Variants in RIPOR2 observed in about 807,000 individuals in gnomAD.
The protein encoded by RIPOR2 is rho family-interacting cell polarization regulator 2.
In RIPOR2, 39 loss-of-function variants were observed where a neutral mutation model predicts 114.5. The ratio of observed to expected loss-of-function variants is 0.34; its 90% CI spans 0.26 to 0.44. RIPOR2 has a LOEUF of 0.44. Among genes scored for constraint, RIPOR2 ranks in the 20% least tolerant of loss-of-function variants. The pLI, the probability that RIPOR2 is intolerant of heterozygous loss-of-function variation, is 1.00. For synonymous variants in RIPOR2, 445 were observed against 484.4 expected (o/e 0.92, Z 1.07); for missense variants, 1,007 against 1,255.1 (o/e 0.80, Z 2.99).
chr6:25,005,886 G>A (rs1046699396), intron 1 of RIPOR2, among the ~76,000 whole-genome samples: 9 of 151,242 alleles, frequency 6.0e-5, no homozygotes, highest in African/African-American at 1.9e-4. Flanking sequence ...TAACTTGTTC[G>A]TTTCAAAAGT....
intron 1 of RIPOR2, among the ~76,000 whole-genome samples, chr6:25,016,769 T>C (rs1480082133): frequency 6.6e-6 from 1 of 152,240 alleles, no homozygotes. Flanking sequence ...CTCTTGTTAC[T>C]TCTGCTTTTC....
At chr6:24,992,449 C>T (rs1194403028) in intron 1 of RIPOR2, among the ~76,000 whole-genome samples, 1 of 151,974 alleles carries the variant, frequency 6.6e-6, no homozygotes, top group Admixed American at 6.6e-5. Context: ...AGAACCAAAT[C>T]GGAAAGGCAA....
intron 1 of RIPOR2, among the ~76,000 whole-genome samples, chr6:24,999,449 C>T (rs1007970069): frequency 6.6e-6 from 1 of 152,172 alleles, no homozygotes; most frequent in African/African-American, 2.4e-5. Context: ...GGTAGCAACC[C>T]CAAACCCCCT....
intron 1 of RIPOR2, among the ~76,000 whole-genome samples, chr6:25,038,895 T>C (rs1777359540): frequency 6.6e-6 from 1 of 152,218 alleles, no homozygotes; most frequent in African/African-American, 2.4e-5. Context: ...TAAGGCACTA[T>C]ATTAGAAAGG....
At chr6:24,826,023 T>G (rs573842373) in intron 18 of RIPOR2, among the ~76,000 whole-genome samples, 25 of 149,474 alleles carry the variant, frequency 1.7e-4, no homozygotes, top group African/African-American at 6.1e-4. Context: ...ACCTCCTAGG[T>G]TCAAGTGATT....
intron 1 of RIPOR2, among the ~76,000 whole-genome samples, chr6:24,996,253 C>A (rs1775041334): frequency 6.6e-6 from 1 of 152,148 alleles, no homozygotes; most frequent in African/African-American, 2.4e-5. Flanking sequence ...TTTTTCAGGT[C>A]TCATCTATGA....
intron 20 of RIPOR2, among the ~76,000 whole-genome samples, chr6:24,811,676 C>CTTTTTT (rs1781183443): frequency 9.4e-5 from 1 of 10,608 alleles, no homozygotes; most frequent in East Asian, 9.4e-3. Flanking sequence ...TTTTTTTTTT[C>CTTTTTT]TTTTTTTTTT....
intron 1 of RIPOR2, chr6:25,024,464 C>T: frequency 1.1e-6 from 1 of 872,662 alleles, no homozygotes; most frequent in East Asian, 2.5e-5. Flanking sequence ...CCAGAACTCT[C>T]ATGGAGCCTT....
In RIPOR2 at chr6:24,872,936, G is replaced by A. The variant is rs145166802; in HGVS notation, c.368C>T (p.Thr123Met). 5.6e-5 allele frequency: 90 copies of A among 1,611,444 alleles called. 1 individual carries two copies. The East Asian group carries it at 8.2e-4, about 15-fold the overall frequency. Residue 123 changes from threonine to methionine, a missense_variant, in exon 4 of 22, where the codon ACG (threonine) becomes ATG (methionine). Physicochemically the swap from Thr to Met is moderately conservative, Grantham distance 81. Coordinates refer to ENST00000643898, the MANE Select transcript of RIPOR2 (RefSeq NM_001286445.3). ...CTGAGCTGTCAACTTGTCCAGCTCCGTCTGGTGAACCTCCAGATATTCACT... is the reference window on the plus strand; with the variant it reads ...CTGAGCTGTCAACTTGTCCAGCTCCATCTGGTGAACCTCCAGATATTCACT... ...GLDEYLEVHQTELDKLTAQLK... is the reference protein window; with the variant it reads ...GLDEYLEVHQMELDKLTAQLK...
chr6:24,850,990 G>A (rs1762842290), intron 9 of RIPOR2, among the ~76,000 whole-genome samples: 1 of 151,810 alleles, frequency 6.6e-6, no homozygotes, highest in Non-Finnish European at 1.5e-5. Flanking sequence ...CCGCCTCCAG[G>A]GTTCAAGCGA....
intron 1 of RIPOR2, among the ~76,000 whole-genome samples, chr6:25,027,441 A>C (rs9356956): frequency 0.21 from 31,944 of 152,126 alleles, 4,139 homozygotes; most frequent in East Asian, 0.59. Context: ...GGCCCAGGGT[A>C]TAAACATAGA....
chr6:25,019,379 T>C (rs1001394929), intron 1 of RIPOR2, among the ~76,000 whole-genome samples: 1 of 151,068 alleles, frequency 6.6e-6, no homozygotes. Flanking sequence ...CCCTTTGATT[T>C]ATACTCTAGG....
At chr6:25,017,409 G>A (rs1326883608) in intron 1 of RIPOR2, among the ~76,000 whole-genome samples, 2 of 152,136 alleles carry the variant, frequency 1.3e-5, no homozygotes, top group Non-Finnish European at 2.9e-5. Context: ...CATCTAGATC[G>A]CCTGCTTTTT....
intron 1 of RIPOR2, among the ~76,000 whole-genome samples, chr6:24,961,925 C>T (rs1032341223): frequency 6.6e-6 from 1 of 152,150 alleles, no homozygotes; most frequent in Non-Finnish European, 1.5e-5. Flanking sequence ...CCGCACCTCG[C>T]CTATTCTAAG....
chr6:24,932,352 G>A (rs1936475586), intron 1 of RIPOR2, among the ~76,000 whole-genome samples: 1 of 151,976 alleles, frequency 6.6e-6, no homozygotes. Flanking sequence ...GTATGAGAGA[G>A]AGAAAAAGAG....
At chr6:24,833,990 A>G (rs1480802010) in intron 15 of RIPOR2, among the ~76,000 whole-genome samples, 1 of 152,236 alleles carries the variant, frequency 6.6e-6, no homozygotes, top group Non-Finnish European at 1.5e-5. Flanking sequence ...TTGGCATAGT[A>G]TCAGGCTCAG....
intron 1 of RIPOR2, among the ~76,000 whole-genome samples, chr6:25,018,646 G>C (rs6456645): frequency 0.78 from 118,036 of 152,188 alleles, 46,195 homozygotes; most frequent in African/African-American, 0.87. Flanking sequence ...TAACTTGTTT[G>C]TATTCCTTAC....
intron 1 of RIPOR2, among the ~76,000 whole-genome samples, chr6:25,013,583 T>TC (rs1048253530): frequency 6.6e-6 from 1 of 152,224 alleles, no homozygotes; most frequent in South Asian, 2.1e-4. Flanking sequence ...GAATTTTTTT[T>TC]CATGCAAAAT....
chr6:24,876,057 G>A (rs376446153), intron 1 of RIPOR2, among the ~76,000 whole-genome samples: 1 of 152,206 alleles, frequency 6.6e-6, no homozygotes, highest in East Asian at 1.9e-4. Flanking sequence ...TTGGGAGGCC[G>A]AGGCAGGTGG....
Sources: gnomAD v4.1 joint callset for allele counts (sites outside exome capture counted in the v4.1 genomes callset) on GRCh38, gnomAD v4.1.1 for gene constraint, MANE v1.5 for transcripts, NCBI Gene and HGNC (gene_info 2026-07-23, HGNC 2026-07-21) for gene names.